The following ITGA2 variants were observed in gnomAD, a reference collection of about 807,000 sequenced individuals.
ITGA2 encodes integrin subunit alpha 2.
ITGA2 carries 101 observed loss-of-function variants against 146.3 expected under a neutral mutation model. The ratio of observed to expected loss-of-function variants is 0.69; its 90% confidence interval spans 0.59 to 0.81. The LOEUF is 0.81. ITGA2 is among the 40% of genes least tolerant of loss of function. The pLI is 0.00. For missense variants in ITGA2, 1,281 were observed against 1,402.7 expected, an observed-to-expected ratio of 0.91 and a Z score of 1.39; for synonymous variants, 477 against 487.1, an observed-to-expected ratio of 0.98 and a Z score of 0.27.
chr5:53,063,531 AT>A (rs3212549), intron 13 of ITGA2, among the ~76,000 whole-genome samples: 13,829 of 151,924 alleles, frequency 0.091, 688 homozygotes, highest in Middle Eastern at 0.16. Context: ...CTCTAAATCC[AT>A]GTATATAAGT....
intron 1 of ITGA2, among the ~76,000 whole-genome samples, chr5:52,989,932 A>G (rs1182687039): frequency 1.3e-5 from 2 of 152,146 alleles, no homozygotes; most frequent in African/African-American, 2.4e-5. Context: ...TGGCTCAGAC[A>G]GGTGCCGCGC....
At chr5:53,029,956 G>A (rs770076322) in intron 2 of ITGA2, among the ~76,000 whole-genome samples, 5 of 152,184 alleles carry the variant, frequency 3.3e-5, no homozygotes, top group East Asian at 1.9e-4. Flanking sequence ...ATCTGGCACC[G>A]AGTTTGAAGC....
chr5:53,082,822 G>T (rs1430299174), intron 26 of ITGA2, among the ~76,000 whole-genome samples: 1 of 152,072 alleles, frequency 6.6e-6, no homozygotes, highest in Non-Finnish European at 1.5e-5. Flanking sequence ...CATCATATGT[G>T]CTCTGCTTAT....
chr5:53,074,480 A>G lies in ITGA2; in HGVS notation c.2664+3A>G. The G allele has an allele frequency of 6.2e-7, 1 of 1,609,910 alleles. No individual in the cohort carries two copies. Among genetic ancestry groups the G allele is most frequent in the East Asian group, 2.2e-5 (1 of 44,760 alleles). ...CTGCTTTAAAGAGAGAACAACAGGT[A>G]CAACTTGCATTTCATCCTCCAATCC... On this transcript the variant is annotated splice_donor_region_variant and intron_variant, in intron 21 of 29. Coordinates refer to ENST00000296585, the MANE Select transcript of ITGA2 (RefSeq NM_002203.4).
chr5:53,051,577 T>C lies in ITGA2; in HGVS notation c.779+18T>C. ...TATGCAAGGTAAGTTTTGGTGCTAA[T>C]AGGCCAATGTTTTCATAATGTAAAA... On this transcript the variant is annotated intron_variant, in intron 7 of 29. Coordinates refer to ENST00000296585, the MANE Select transcript of ITGA2 (RefSeq NM_002203.4). 6.2e-7 allele frequency: 1 copy of C among 1,608,836 alleles called. No individual in the cohort carries two copies.
In ITGA2 at chr5:53,062,927, G is replaced by A. The variant is rs1801106; in HGVS notation, c.1600G>A (p.Glu534Lys). 0.09 allele frequency: 143,935 copies of A among 1,598,154 alleles called. 7,290 individuals carry two copies. The highest frequency in any genetic ancestry group is 0.19 in the African/African-American group (14,010 of 73,658). The change falls in exon 13 of 30, where the codon GAG (glutamate) becomes AAG (lysine). Residue 534 changes from glutamate (E) to lysine (K), a missense_variant and splice_region_variant. By Grantham distance (56) the Glu-to-Lys change is moderately conservative. This residue lies in a region of ITGA2 where 795 missense variants were observed against 841.7 expected (regional missense o/e 0.94). Transcript: ENST00000296585. Reference protein sequence around the residue: ...EGRVYLFTIKEGILGQHQFLE... With the variant: ...EGRVYLFTIKKGILGQHQFLE... ...AAGAGTCTACCTGTTTACTATCAAA[G>A]AGGTAAAAAAAAAAAAATAAACTAA... is the stretch of plus-strand genomic sequence containing the variant.
In ITGA2 at chr5:53,034,041, C is replaced by T. The variant is rs538990053; in HGVS notation, c.185+7173C>T. Among the ~76,000 whole-genome samples the T allele has an allele frequency of 2.4e-4, 36 of 152,166 alleles. No individual in the cohort carries two copies. The South Asian group carries it at 7.5e-3, about 32-fold the overall frequency. ...CCTCCCAAAGTGCTGGGATTACAGG[C>T]GTGAGCCACCGAGCCTGGCCCTCCT... On this transcript the variant is annotated intron_variant, in intron 2 of 29. Coordinates refer to ENST00000296585, the MANE Select transcript of ITGA2 (RefSeq NM_002203.4).
At chr5:53,002,940 T>C (rs2111704239) in intron 1 of ITGA2, among the ~76,000 whole-genome samples, 1 of 152,258 alleles carries the variant, frequency 6.6e-6, no homozygotes, top group East Asian at 1.9e-4. Flanking sequence ...GCCTATCTTT[T>C]GAAAAAAAAT....
chr5:53,075,376 A>G, intron 23 of ITGA2, 72 bp downstream of exon 23: 1 of 1,153,820 alleles, frequency 8.7e-7, no homozygotes, highest in Non-Finnish European at 1.3e-6. Context: ...GCTCATGGCT[A>G]AAGAAGTCCT....
intron 28 of ITGA2, 107 bp downstream of exon 28, chr5:53,087,148 CT>C: frequency 1.3e-6 from 1 of 784,470 alleles, no homozygotes; most frequent in Non-Finnish European, 2.2e-6. Flanking sequence ...GTAGAAGTAT[CT>C]TACTAAAACT....
chr5:53,078,205 A>G (rs1288238984), intron 23 of ITGA2, among the ~76,000 whole-genome samples: 1 of 152,120 alleles, frequency 6.6e-6, no homozygotes, highest in East Asian at 1.9e-4. Context: ...TGGTCTCTAC[A>G]CTAATGGTGG....
At chr5:53,080,204 T>C (rs189551008) in intron 24 of ITGA2, among the ~76,000 whole-genome samples, 59 of 152,250 alleles carry the variant, frequency 3.9e-4, no homozygotes, top group Non-Finnish European at 7.5e-4. Context: ...TTTTTTCCAT[T>C]GAGCCATTTA....
chr5:53,083,418 G>A lies in ITGA2; in HGVS notation c.3223G>A (p.Val1075Met), dbSNP rs750579339. ...CATGAAAGGAGAATACTTTGTTAAT[G>A]TGACTACCAGAATTTGGAACGGGAC... is the stretch of plus-strand genomic sequence containing the variant. ...VHMKGEYFVN[V>M]TTRIWNGTFA... Residue 1075 changes from valine to methionine, a missense_variant, in exon 27 of 30, where the codon GTG (valine) becomes ATG (methionine). By Grantham distance (21) the Val-to-Met change is conservative (BLOSUM62 1). Transcript: ENST00000296585. 4 of 1,611,940 alleles carry A rather than the reference G, an allele frequency of 2.5e-6. No individual in the cohort carries two copies. The highest frequency in any genetic ancestry group is 3.4e-6 in the Non-Finnish European group (4 of 1,178,220).
chr5:53,017,466 A>G (rs1742445620), intron 1 of ITGA2, among the ~76,000 whole-genome samples: 1 of 152,222 alleles, frequency 6.6e-6, no homozygotes, highest in African/African-American at 2.4e-5. Context: ...TGGAGGGGCC[A>G]AAGTGTTCAT....
intron 23 of ITGA2, 37 bp from the exon 24 acceptor site, chr5:53,078,735 A>C (rs757014372): frequency 8.3e-7 from 1 of 1,201,850 alleles, no homozygotes. Flanking sequence ...AACAAAAGCA[A>C]ACTAAAATAT....
intron 1 of ITGA2, among the ~76,000 whole-genome samples, chr5:53,024,974 T>C (rs1262061500): frequency 6.6e-5 from 10 of 152,208 alleles, no homozygotes; most frequent in African/African-American, 2.2e-4. Flanking sequence ...TGCTGTATAA[T>C]TGAACTGCTA....
intron 1 of ITGA2, among the ~76,000 whole-genome samples, chr5:53,004,890 CTTTGTTTTTTTTTTTTTTTTTTTTTTT>C (rs1208199034): frequency 1.9e-5 from 1 of 53,808 alleles, no homozygotes; most frequent in African/African-American, 9.6e-5. Flanking sequence ...AGTTTAGTTG[CTTTGTTTTTTTTTTTTTTTTTTTTTTT>C]TTTTTTTTTT....
chr5:53,031,456 G>T (rs1474269811), intron 2 of ITGA2, among the ~76,000 whole-genome samples: 1 of 152,086 alleles, frequency 6.6e-6, no homozygotes, highest in Non-Finnish European at 1.5e-5. Context: ...ACTCACTGAA[G>T]GCTCTAGTCT....
At chr5:52,998,037 A>G (rs1420854384) in intron 1 of ITGA2, among the ~76,000 whole-genome samples, 1 of 152,220 alleles carries the variant, frequency 6.6e-6, no homozygotes, top group African/African-American at 2.4e-5. Context: ...GGAAGTAGTC[A>G]TGGTAATTAA....
Sources: allele counts gnomAD v4.1 joint callset (sites outside exome capture counted in the v4.1 genomes callset), GRCh38; gene constraint gnomAD v4.1.1; regional missense constraint gnomAD v4.1.1; transcripts MANE v1.5; gene names NCBI Gene and HGNC (gene_info 2026-07-23, HGNC 2026-07-21).